NPTN: variants seen among roughly 807,000 people sequenced by gnomAD.
NPTN encodes SDR-1.
Under a neutral mutation model 42.7 loss-of-function variants are expected in NPTN, and 5 were observed. The ratio of observed to expected loss-of-function variants is 0.12; its 90% CI spans 0.06 to 0.25. The LOEUF (loss-of-function observed/expected upper bound fraction) is 0.25. NPTN is among the 10% of genes least tolerant of loss of function. NPTN has a pLI of 1.00. For missense variants in NPTN, 307 were observed against 525.4 expected (o/e 0.58, Z 4.06); for synonymous variants, 180 against 201.9 (o/e 0.89, Z 0.92).
chr15:73,611,567 AAGATC>A (rs750266149), intron 1 of NPTN, among the ~76,000 whole-genome samples: 6 of 152,292 alleles, frequency 3.9e-5, no homozygotes, highest in Non-Finnish European at 7.4e-5. Flanking sequence ...AGACAATAAA[AAGATC>A]AGTGGTCCCA....
At chr15:73,607,416 A>AT (rs1430118403) in intron 1 of NPTN, among the ~76,000 whole-genome samples, 1 of 152,208 alleles carries the variant, frequency 6.6e-6, no homozygotes, top group Non-Finnish European at 1.5e-5. Context: ...AGATACCAAA[A>AT]TTCATCTCAT....
At chr15:73,632,446 T>TC (rs1470243349) in intron 1 of NPTN, among the ~76,000 whole-genome samples, 1 of 151,412 alleles carries the variant, frequency 6.6e-6, no homozygotes, top group African/African-American at 2.4e-5. Context: ...CCAGCCCTCT[T>TC]CCCCCAGCTC....
intron 4 of NPTN, among the ~76,000 whole-genome samples, chr15:73,583,088 A>C (rs933591444): frequency 2.0e-5 from 3 of 152,190 alleles, no homozygotes; most frequent in Non-Finnish European, 4.4e-5. Flanking sequence ...CTCTGTCCAC[A>C]TAAGGGAACC....
chr15:73,567,002 CTTTTTTTTT>C lies in NPTN; in HGVS notation c.1114+3139_1114+3147del, dbSNP rs10539085. ...GTAGGTAAAGAAAAAAGACATGGGG[CTTTTTTTTT>C]TTTTTTTTTTTTAAAGGAAGCAGCT... On this transcript the variant is annotated intron_variant, in intron 6 of 8. Coordinates refer to ENST00000345330, the MANE Select transcript of NPTN (RefSeq NM_012428.4). 2.5e-4 allele frequency: 207 copies of C among 829,400 alleles called. 1 individual carries two copies. The highest frequency in any genetic ancestry group is 2.1e-3 in the African/African-American group (99 of 46,624). The allele number at this position is 829,400 out of a possible 1,614,324, so 51.4% of individuals were successfully genotyped here.
Position 73,573,780 on chromosome 15 carries a change from G to A in NPTN, c.722C>T (p.Thr241Ile), listed in dbSNP as rs1367500610. The change falls in exon 5 of 9, where the codon ACT (threonine) becomes ATT (isoleucine). Residue 241 changes from threonine to isoleucine, a missense_variant. Physicochemically the swap from Thr to Ile is moderately conservative, Grantham distance 89. Around this residue, in one of 2 missense-constraint regions of NPTN, gnomAD observed 264 missense variants for 491.1 expected, o/e 0.54. Transcript: ENST00000345330. ...CTTGTTCTCACTCCGTTTATGGCCA[G>A]TGATGTCAGGAGCGGCTGTGAGAAA... ...TIEVKAAPDI[T>I]GHKRSENKNE... is the part of the protein sequence containing the mutation. The A allele has an allele frequency of 1.2e-6, 2 of 1,603,900 alleles. No homozygotes were observed. The highest frequency in any genetic ancestry group is 2.7e-5 in the African/African-American group (2 of 74,488).
chr15:73,586,829 T>C (rs936456155), intron 4 of NPTN, among the ~76,000 whole-genome samples: 1 of 152,220 alleles, frequency 6.6e-6, no homozygotes, highest in African/African-American at 2.4e-5. Flanking sequence ...ACCTGTGTTC[T>C]AGACTAGCTC....
chr15:73,597,496 G>T lies in NPTN; in HGVS notation c.92-127C>A, dbSNP rs1338374827. ...CAAATGAGTTGCAAAGAACAAAAAA[G>T]GATTCATTTTTAAACTATAAAGAGA... On this transcript the variant is annotated intron_variant, in intron 1 of 8. Transcript: ENST00000345330. The surrounding 1 kb of genome is among the most constrained non-coding windows in gnomAD (Gnocchi z 6.3). 3 of 721,870 alleles carry T rather than the reference G, an allele frequency of 4.2e-6. No homozygotes were observed. Among genetic ancestry groups the T allele is most frequent in the East Asian group, 2.7e-5 (1 of 36,974 alleles). 44.7% of individuals were successfully genotyped at this position (721,870 alleles called of 1,614,324 possible). A position where few individuals can be genotyped will look rare whatever the true frequency, so the allele number is the denominator to read the frequency against.
chr15:73,612,830 T>A (rs1897659517), intron 1 of NPTN, among the ~76,000 whole-genome samples: 1 of 152,056 alleles, frequency 6.6e-6, no homozygotes, highest in Non-Finnish European at 1.5e-5. Flanking sequence ...TAATTAATGC[T>A]CTCCTAACTC....
chr15:73,593,274 G>A (rs914331923), intron 2 of NPTN, among the ~76,000 whole-genome samples: 12 of 152,258 alleles, frequency 7.9e-5, no homozygotes, highest in African/African-American at 2.6e-4. Context: ...TTCTATGTTT[G>A]TTGTCTTTTG....
In NPTN at chr15:73,577,234, C is replaced by T. The variant is rs116669879; in HGVS notation, c.707-3439G>A. ...CCAGGCCTGCATGAGTACACTCAGA[C>T]AGTTACAAGGTGGTTCCACTCTTCT... is the stretch of plus-strand genomic sequence containing the variant. On this transcript the variant is annotated intron_variant, in intron 4 of 8. Transcript: ENST00000345330. 5.8e-3 allele frequency among the ~76,000 whole-genome samples: 888 copies of T among 152,304 alleles called. 6 individuals carry two copies. The highest frequency in any genetic ancestry group is 0.02 in the African/African-American group (846 of 41,560).
At chr15:73,583,147 T>C (rs999515241) in intron 4 of NPTN, among the ~76,000 whole-genome samples, 2 of 152,216 alleles carry the variant, frequency 1.3e-5, no homozygotes, top group Non-Finnish European at 2.9e-5. Context: ...AGATGAGCTA[T>C]CTCATTCTAC....
At chr15:73,614,819 A>G (rs1268221623) in intron 1 of NPTN, among the ~76,000 whole-genome samples, 4 of 152,204 alleles carry the variant, frequency 2.6e-5, no homozygotes, top group African/African-American at 9.6e-5. Context: ...ATAGAAAGGT[A>G]GCCATCAGAG....
chr15:73,569,521 T>C lies in NPTN; in HGVS notation c.1114+629A>G, dbSNP rs1264092791. On this transcript the variant is annotated intron_variant, in intron 6 of 8. Transcript: ENST00000345330. The surrounding 1 kb of genome is among the most constrained non-coding windows in gnomAD (Gnocchi z 4.1). ...GTCTTACACTAGATGGGTGGATACA[T>C]CAGACTCTCCTTTGTCTGTGAGACA... The C allele has an allele frequency of 1.7e-5, 17 of 985,280 alleles. No homozygotes were observed. The highest frequency in any genetic ancestry group is 1.9e-5 in the Non-Finnish European group (16 of 829,932). 61.0% of individuals were successfully genotyped at this position (985,280 alleles called of 1,614,324 possible). A position where few individuals can be genotyped will look rare whatever the true frequency, so the allele number is the denominator to read the frequency against.
chr15:73,578,302 C>A (rs1595908681), intron 4 of NPTN, among the ~76,000 whole-genome samples: 1 of 152,004 alleles, frequency 6.6e-6, no homozygotes, highest in Non-Finnish European at 1.5e-5. Flanking sequence ...ACAAGAACTG[C>A]AGAGACAGCA....
At chr15:73,632,846 C>G in intron 1 of NPTN, 1 of 352,176 alleles carries the variant, frequency 2.8e-6, no homozygotes, top group Non-Finnish European at 5.1e-6. Context: ...CGTGTCCCCT[C>G]GCCGACCCGG....
chr15:73,591,846 C>T, intron 3 of NPTN, 120 bp downstream of exon 3: 1 of 976,892 alleles, frequency 1.0e-6, no homozygotes, highest in Non-Finnish European at 1.5e-6. Context: ...ATTGGACTCT[C>T]AAAGGGAGAA....
chr15:73,619,798 GA>G (rs1898045223), intron 1 of NPTN, among the ~76,000 whole-genome samples: 1 of 152,114 alleles, frequency 6.6e-6, no homozygotes, highest in African/African-American at 2.4e-5. Flanking sequence ...TTTTACTATA[GA>G]ACACATAGCT....
chr15:73,603,460 G>A (rs1480126433), intron 1 of NPTN, among the ~76,000 whole-genome samples: 2 of 152,084 alleles, frequency 1.3e-5, no homozygotes, highest in Non-Finnish European at 2.9e-5. Context: ...ACTGCAGAAG[G>A]GAATGAAAAA....
At chr15:73,603,493 C>T (rs1897159599) in intron 1 of NPTN, among the ~76,000 whole-genome samples, 1 of 152,178 alleles carries the variant, frequency 6.6e-6, no homozygotes, top group Non-Finnish European at 1.5e-5. Flanking sequence ...TCATTCCTTC[C>T]TATCTTTAGA....
Sources: gnomAD v4.1 joint callset for allele counts (sites outside exome capture counted in the v4.1 genomes callset) on GRCh38, gnomAD v4.1.1 for gene constraint, gnomAD v4.1.1 regional missense constraint, Gnocchi (gnomAD v3.1) non-coding constraint, MANE v1.5 for transcripts, NCBI Gene and HGNC (gene_info 2026-07-23, HGNC 2026-07-21) for gene names.